Variants in NAA16 observed in about 807,000 individuals in gnomAD.
NAA16 encodes the protein N-alpha-acetyltransferase 16, NatA auxiliary subunit.
Under a neutral mutation model 110.3 loss-of-function variants are expected in NAA16, and 97 were observed. That is an observed-to-expected ratio of 0.88 (90% CI 0.75 to 1.04). The LOEUF is 1.04. Among genes scored for constraint, NAA16 ranks in the 50% least tolerant of loss-of-function variants. The pLI is 0.00. For missense variants in NAA16, 1,017 were observed against 1,005.1 expected (o/e 1.01, Z -0.16); for synonymous variants, 372 against 330.6 (o/e 1.13, Z -1.36).
intron 9 of NAA16, among the ~76,000 whole-genome samples, chr13:41,337,264 C>T (rs1298108102): frequency 6.6e-6 from 1 of 152,004 alleles, no homozygotes; most frequent in Non-Finnish European, 1.5e-5. Flanking sequence ...AGAAAATAGG[C>T]CAGGTGTGGT....
chr13:41,312,825 C>G (rs997794031), intron 1 of NAA16, among the ~76,000 whole-genome samples: 5 of 152,062 alleles, frequency 3.3e-5, no homozygotes, highest in Admixed American at 3.3e-4. Context: ...TAGTTTTGAA[C>G]CAATAATAAG....
Position 41,355,171 on chromosome 13 carries a change from A to G in NAA16, c.1042A>G (p.Asn348Asp), listed in dbSNP as rs1404484953. The G allele has an allele frequency of 5.7e-6, 9 of 1,588,540 alleles. No homozygotes were observed. The Admixed American group carries it at 1.3e-4, about 22-fold the overall frequency. The change falls in exon 10 of 20, where the codon AAT (asparagine) becomes GAT (aspartate). Residue 348 changes from asparagine to aspartate, a missense_variant. Transcript: ENST00000379406. ...TTCTATAATCCAGGAACTTGTTACT[A>G]ATTATGAAGCCTCTCTTAAAACGTG... is the stretch of plus-strand genomic sequence containing the variant. The part of the protein sequence containing the change: ...KVSIIQELVT[N>D]YEASLKTCDF...
chr13:41,322,539 A>G (rs1004648924), intron 4 of NAA16, among the ~76,000 whole-genome samples: 2 of 152,184 alleles, frequency 1.3e-5, no homozygotes, highest in African/African-American at 4.8e-5. Context: ...GTTGGCAGAG[A>G]AAATAATACT....
intron 9 of NAA16, among the ~76,000 whole-genome samples, chr13:41,339,540 C>CT (rs1248882540): frequency 2.0e-5 from 3 of 151,862 alleles, no homozygotes; most frequent in Non-Finnish European, 4.4e-5. Flanking sequence ...AATTCCATAA[C>CT]TTTTTTTTGT....
At chr13:41,334,845 C>A (rs1198846215) in intron 8 of NAA16, among the ~76,000 whole-genome samples, 1 of 152,172 alleles carries the variant, frequency 6.6e-6, no homozygotes. Flanking sequence ...ATGGTGTATT[C>A]TTCTACAAAT....
intron 12 of NAA16, among the ~76,000 whole-genome samples, chr13:41,360,781 A>G (rs1484273385): frequency 6.6e-6 from 1 of 152,224 alleles, no homozygotes; most frequent in Non-Finnish European, 1.5e-5. Context: ...TCCTTCTCGC[A>G]GATTTTTCAG....
chr13:41,369,225 A>T lies in NAA16; in HGVS notation c.1889A>T (p.Glu630Val), dbSNP rs2043268664. ...QQKNQKKKRD[E>V]EEEEASGLKE... ...AAAAATCAAAAGAAAAAAAGAGATG[A>T]AGAAGAAGAAGAAGCCAGTGGCCTT... is the stretch of plus-strand genomic sequence containing the variant. The change falls in exon 15 of 20, where the codon GAA becomes GTA. Residue 630 changes from glutamate (E) to valine (V), a missense_variant. Physicochemically the swap from Glu to Val is moderately radical, Grantham distance 121. Transcript: ENST00000379406. 6.3e-7 allele frequency: 1 copy of T among 1,585,226 alleles called. No individual in the cohort carries two copies. The highest frequency in any genetic ancestry group is 8.6e-7 in the Non-Finnish European group (1 of 1,167,514).
chr13:41,313,078 G>A (rs2041686120), intron 1 of NAA16, among the ~76,000 whole-genome samples: 1 of 151,974 alleles, frequency 6.6e-6, no homozygotes. Flanking sequence ...ATACTTTAAA[G>A]ATGACAGCAC....
intron 12 of NAA16, among the ~76,000 whole-genome samples, chr13:41,359,287 A>G (rs2043062741): frequency 6.6e-6 from 1 of 152,138 alleles, no homozygotes; most frequent in African/African-American, 2.4e-5. Context: ...CCCCCTAGTA[A>G]TTTGTGACTG....
At chr13:41,312,770 G>A (rs1480869815) in intron 1 of NAA16, among the ~76,000 whole-genome samples, 2 of 152,100 alleles carry the variant, frequency 1.3e-5, no homozygotes, top group African/African-American at 4.8e-5. Flanking sequence ...TTCAGATTAG[G>A]ATACATAGTA....
At chr13:41,331,486 G>A (rs2042237027) in intron 8 of NAA16, 117 bp downstream of exon 8, 6 of 629,446 alleles carry the variant, frequency 9.5e-6, no homozygotes, top group Non-Finnish European at 1.6e-5. Flanking sequence ...CTTGGAGTTG[G>A]GAGTGAACAG....
chr13:41,366,591 T>C (rs2043211650), intron 13 of NAA16, among the ~76,000 whole-genome samples: 1 of 152,164 alleles, frequency 6.6e-6, no homozygotes, highest in Non-Finnish European at 1.5e-5. Context: ...TTAACCTCTT[T>C]TGGCCATGGA....
At chr13:41,327,128 A>G (rs543819099) in intron 6 of NAA16, among the ~76,000 whole-genome samples, 10 of 152,080 alleles carry the variant, frequency 6.6e-5, no homozygotes, top group African/African-American at 2.4e-4. Flanking sequence ...ATACCTTTTC[A>G]TGAGCGTCTT....
intron 9 of NAA16, among the ~76,000 whole-genome samples, chr13:41,353,384 TA>T (rs991225060): frequency 7.2e-5 from 11 of 151,920 alleles, no homozygotes; most frequent in African/African-American, 1.7e-4. Flanking sequence ...TAATTTTGCT[TA>T]AAAAAAAGTC....
intron 1 of NAA16, among the ~76,000 whole-genome samples, chr13:41,315,765 T>G (rs965754907): frequency 1.3e-5 from 2 of 152,126 alleles, no homozygotes; most frequent in East Asian, 3.9e-4. Context: ...TTGCCACATA[T>G]GTTTTTGCTT....
chr13:41,328,644 C>A, intron 6 of NAA16, 80 bp from the exon 7 acceptor site: 1 of 1,195,858 alleles, frequency 8.4e-7, no homozygotes, highest in Non-Finnish European at 1.2e-6. Context: ...CATCTGTTCA[C>A]TGATAATGTT....
chr13:41,328,891 T>A, intron 7 of NAA16, 48 bp downstream of exon 7: 1 of 1,450,766 alleles, frequency 6.9e-7, no homozygotes, highest in Non-Finnish European at 9.5e-7. Context: ...GATTGAAGTA[T>A]AATAAAATGT....
In NAA16 at chr13:41,328,806, G is replaced by A; in HGVS notation, c.774G>A (p.Trp258Ter). ...KNLIDRNAEN[W>*]CYYEGLEKAL... ...TGATTGATCGAAATGCAGAAAATTG[G>A]TGTTATTATGAAGGCTTGGAAAAAG... Residue 258 changes from tryptophan (W) to a stop codon, truncating the protein, a stop_gained, in exon 7 of 20, where the codon TGG (tryptophan) becomes TGA (stop). Transcript: ENST00000379406. LOFTEE classifies it high-confidence loss of function. The A allele has an allele frequency of 4.4e-6, 7 of 1,604,740 alleles. No individual in the cohort carries two copies. The highest frequency in any genetic ancestry group is 6.0e-6 in the Non-Finnish European group (7 of 1,172,228).
At position 41,362,287 on chromosome 13, in the gene NAA16, T is replaced by G; in HGVS notation, c.1539+128T>G. 2.1e-6 allele frequency: 2 copies of G among 942,100 alleles called. 1 individual carries two copies. Among genetic ancestry groups the G allele is most frequent in the South Asian group, 3.8e-5 (2 of 53,196 alleles). 58.4% of individuals were successfully genotyped at this position (942,100 alleles called of 1,614,324 possible). A position where few individuals can be genotyped will look rare whatever the true frequency, so the allele number is the denominator to read the frequency against. On this transcript the variant is annotated intron_variant, in intron 13 of 19. Coordinates refer to ENST00000379406, the MANE Select transcript of NAA16 (RefSeq NM_024561.5). ...TCATTGTGAAAAAAATTCTTGATCT[T>G]TAACCTTTACATTCAGAAGTTGTAA...
Sources: gnomAD v4.1 joint callset for allele counts (sites outside exome capture counted in the v4.1 genomes callset) on GRCh38, gnomAD v4.1.1 for gene constraint, MANE v1.5 for transcripts, NCBI Gene and HGNC (gene_info 2026-07-23, HGNC 2026-07-21) for gene names.